PCDHA9: variants seen among roughly 807,000 people sequenced by gnomAD.
PCDHA9 encodes protocadherin alpha 9.
A neutral mutation model predicts 62.0 loss-of-function variants in PCDHA9; 62 were observed. The observed-to-expected ratio is 1.00, with a 90% CI of 0.81 to 1.23. PCDHA9 has a LOEUF of 1.23. PCDHA9 is among the 50% of genes most tolerant of loss of function. The pLI, the probability that PCDHA9 is intolerant of heterozygous loss-of-function variation, is 0.00. For synonymous variants in PCDHA9, 557 were observed against 567.6 expected (o/e 0.98, Z 0.27); for missense variants, 1,205 against 1,249.8 (o/e 0.96, Z 0.54).
At chr5:140,856,784 T>C in intron 1 of PCDHA9, 2 of 1,596,522 alleles carry the variant, frequency 1.3e-6, no homozygotes, top group Non-Finnish European at 1.7e-6. Flanking sequence ...CAGACCGGTT[T>C]ATGAAGTTAA....
intron 1 of PCDHA9, among the ~76,000 whole-genome samples, chr5:140,952,265 G>A (rs1292970434): frequency 6.6e-6 from 1 of 151,556 alleles, no homozygotes; most frequent in African/African-American, 2.4e-5. Context: ...CCCATTCTGG[G>A]GTCTTGAGGG....
chr5:140,883,950 A>G (rs373518493), intron 1 of PCDHA9: 3 of 1,613,288 alleles, frequency 1.9e-6, no homozygotes, highest in South Asian at 1.1e-5. Flanking sequence ...GAGAACGACA[A>G]CGCTCCGGCG....
intron 1 of PCDHA9, among the ~76,000 whole-genome samples, chr5:140,894,305 T>A (rs1318862417): frequency 6.6e-6 from 1 of 152,078 alleles, no homozygotes; most frequent in East Asian, 1.9e-4. Context: ...TCCTGGAAAG[T>A]TTTCTTAAAT....
At chr5:140,982,688 ATACATACATGATTTCCT>A in intron 3 of PCDHA9, 125 bp downstream of exon 3, 1 of 1,415,764 alleles carries the variant, frequency 7.1e-7, no homozygotes, top group African/African-American at 1.4e-5. Flanking sequence ...CCTTTTTTCC[ATACATACATGATTTCCT>A]TACATATATG....
At chr5:140,895,904 C>T (rs956599707) in intron 1 of PCDHA9, among the ~76,000 whole-genome samples, 10 of 152,136 alleles carry the variant, frequency 6.6e-5, no homozygotes, top group South Asian at 2.1e-4. Flanking sequence ...CTCCGCGTCC[C>T]GGGCTCAACA....
chr5:140,869,431 G>T lies in PCDHA9; in HGVS notation c.2394+18542G>T, dbSNP rs782430805. ...GTGCAGCATCCACCTGGAGGTGATC[G>T]TGGACAGGCCGCTGCAGGTTTTCCA... is the stretch of plus-strand genomic sequence containing the variant. On this transcript the variant is annotated intron_variant, in intron 1 of 3. Transcript: ENST00000532602. The T allele has an allele frequency of 3.7e-6, 6 of 1,614,204 alleles. No individual in the cohort carries two copies. In the South Asian group the frequency reaches 5.5e-5, roughly 15 times the overall value.
chr5:140,954,354 C>T lies in PCDHA9; in HGVS notation c.2395-24595C>T, dbSNP rs982671490. ...TTCTGCCTCTAGATCTTTGAGGAAT[C>T]GCCACACAGTCTCCCACAATGAGTG... is the stretch of plus-strand genomic sequence containing the variant. On this transcript the variant is annotated intron_variant, in intron 1 of 3. Transcript: ENST00000532602. Among the ~76,000 whole-genome samples the T allele has an allele frequency of 3.3e-5, 5 of 152,286 alleles. No homozygotes were observed. The East Asian group carries it at 5.8e-4, about 18-fold the overall frequency.
At chr5:140,913,857 T>C (rs1374392004) in intron 1 of PCDHA9, among the ~76,000 whole-genome samples, 3 of 152,208 alleles carry the variant, frequency 2.0e-5, no homozygotes, top group Admixed American at 6.5e-5. Context: ...CAGGAGCATA[T>C]TGTTTAATTT....
rs114742019 is a variant in PCDHA9, at chr5:140,911,730, G to A, written c.2394+60841G>A. Among the ~76,000 whole-genome samples the A allele has an allele frequency of 8.1e-3, 1,236 of 152,190 alleles. 6 individuals carry two copies. The highest frequency in any genetic ancestry group is 0.019 in the African/African-American group (801 of 41,524). ...TTTTGTGTAACTCTGTAAACAGTTC[G>A]TGCCAAGGACTATCAGTGTTCTCCA... is the stretch of plus-strand genomic sequence containing the variant. On this transcript the variant is annotated intron_variant, in intron 1 of 3. Coordinates refer to ENST00000532602, the MANE Select transcript of PCDHA9 (RefSeq NM_031857.2).
At chr5:140,883,474 G>C in intron 1 of PCDHA9, 1 of 1,614,126 alleles carries the variant, frequency 6.2e-7, no homozygotes, top group Middle Eastern at 1.7e-4. Flanking sequence ...CCACCTACAA[G>C]AACTACTACT....
chr5:140,974,255 C>T (rs1049283311), intron 1 of PCDHA9, among the ~76,000 whole-genome samples: 1 of 152,186 alleles, frequency 6.6e-6, no homozygotes, highest in African/African-American at 2.4e-5. Flanking sequence ...CCATCAGTTC[C>T]TTTCTGGCCT....
Position 140,850,776 on chromosome 5 carries a change from G to A in PCDHA9, c.2281G>A (p.Gly761Ser), listed in dbSNP as rs2150497794. Residue 761 changes from glycine to serine, a missense_variant, in exon 1 of 4, where the codon GGC becomes AGC. Physicochemically the swap from Gly to Ser is moderately conservative, Grantham distance 56. Transcript: ENST00000532602. Reference sequence around the variant, plus strand: ...GCAGAGGAGGCAGAGGGTGTGCTCTGGCGAGGGTAAGCAGAAGACCGACCT... The same window carrying A: ...GCAGAGGAGGCAGAGGGTGTGCTCTAGCGAGGGTAAGCAGAAGACCGACCT... ...SQQRRQRVCS[G>S]EGKQKTDLMA... 6.3e-7 allele frequency: 1 copy of A among 1,598,166 alleles called. No homozygotes were observed. Among genetic ancestry groups the A allele is most frequent in the South Asian group, 1.1e-5 (1 of 90,518 alleles).
At chr5:140,927,403 C>T (rs1276847771) in intron 1 of PCDHA9, 1 of 1,614,146 alleles carries the variant, frequency 6.2e-7, no homozygotes, top group Non-Finnish European at 8.5e-7. Context: ...GCACTTTCGC[C>T]TGGACATGGG....
At chr5:140,982,213 A>G in intron 2 of PCDHA9, 2 of 482,032 alleles carry the variant, frequency 4.1e-6, no homozygotes, top group South Asian at 8.1e-5. Context: ...TGAGCGCCAC[A>G]TGGCGTTAAT....
intron 1 of PCDHA9, chr5:140,871,353 G>T: frequency 6.2e-7 from 1 of 1,614,214 alleles, no homozygotes; most frequent in Non-Finnish European, 8.5e-7. Flanking sequence ...GGTCATACTC[G>T]CAGCAGAGGC....
intron 3 of PCDHA9, among the ~76,000 whole-genome samples, chr5:141,000,419 ATATTTTT>A (rs1397100244): frequency 3.9e-4 from 24 of 60,984 alleles, no homozygotes; most frequent in African/African-American, 1.8e-3. Flanking sequence ...ATATATATAT[ATATTTTT>A]TTTTTTTTTT....
intron 1 of PCDHA9, among the ~76,000 whole-genome samples, chr5:140,937,309 T>G (rs1210222120): frequency 6.6e-6 from 1 of 152,102 alleles, no homozygotes; most frequent in African/African-American, 2.4e-5. Flanking sequence ...AGTGCTGGGA[T>G]TACAGGCGTG....
intron 1 of PCDHA9, among the ~76,000 whole-genome samples, chr5:140,902,554 A>AT (rs1414683182): frequency 6.6e-6 from 1 of 151,896 alleles, no homozygotes; most frequent in East Asian, 1.9e-4. Context: ...CTATACCCAG[A>AT]TTTTTGAGGG....
At position 140,870,670 on chromosome 5, in the gene PCDHA9, G is replaced by A. The variant is rs782000668; in HGVS notation, c.2394+19781G>A. On this transcript the variant is annotated intron_variant, in intron 1 of 3. Coordinates refer to ENST00000532602, the MANE Select transcript of PCDHA9 (RefSeq NM_031857.2). Reference sequence around the variant, plus strand: ...CAAGGTGTACGCGCTGCAGCCGTTGGACCACGAGGAGCTGGAGCTGCTACA... The same window carrying A: ...CAAGGTGTACGCGCTGCAGCCGTTGAACCACGAGGAGCTGGAGCTGCTACA... The A allele has an allele frequency of 3.1e-6, 5 of 1,612,518 alleles. No individual in the cohort carries two copies. The East Asian group carries it at 1.1e-4, about 36-fold the overall frequency.
Sources: gnomAD v4.1 joint callset for allele counts (sites outside exome capture counted in the v4.1 genomes callset) on GRCh38, gnomAD v4.1.1 for gene constraint, MANE v1.5 for transcripts, NCBI Gene and HGNC (gene_info 2026-07-23, HGNC 2026-07-21) for gene names.